MYOCD: variants seen among roughly 807,000 people sequenced by gnomAD.
MYOCD encodes myocardin.
MYOCD carries 32 observed loss-of-function variants against 96.1 expected under a neutral mutation model. The ratio of observed to expected loss-of-function variants is 0.33; its 90% CI spans 0.25 to 0.45. The LOEUF is 0.45. Ranked by LOEUF, MYOCD falls within the 20% of genes least tolerant of loss-of-function variation. MYOCD has a pLI of 1.00. For synonymous variants in MYOCD, 469 were observed against 469.0 expected (o/e 1.00, Z 0.00); for missense variants, 1,133 against 1,200.6 (o/e 0.94, Z 0.83).
At chr17:12,760,169 T>A (rs1383541333) in intron 12 of MYOCD, 2 of 162,586 alleles carry the variant, frequency 1.2e-5, no homozygotes, top group Admixed American at 5.8e-5. Flanking sequence ...ATTCAGTCTT[T>A]AAAAAAAAGA....
intron 3 of MYOCD, among the ~76,000 whole-genome samples, chr17:12,716,082 T>G (rs947249248): frequency 1.3e-5 from 2 of 152,228 alleles, no homozygotes; most frequent in African/African-American, 4.8e-5. Context: ...TGTACCTTCA[T>G]AACAAATCTC....
intron 5 of MYOCD, among the ~76,000 whole-genome samples, chr17:12,732,427 C>T (rs781781866): frequency 6.6e-6 from 1 of 152,172 alleles, no homozygotes; most frequent in Non-Finnish European, 1.5e-5. Flanking sequence ...CCATTCAATC[C>T]CACCTCCTCC....
At chr17:12,731,509 A>AAACAATAGC (rs557481088) in intron 5 of MYOCD, among the ~76,000 whole-genome samples, 1 of 152,172 alleles carries the variant, frequency 6.6e-6, no homozygotes, top group Admixed American at 6.5e-5. Context: ...CTCCTACCAA[A>AAACAATAGC]AACAATAGCA....
At chr17:12,715,450 G>A in intron 2 of MYOCD, 69 bp from the exon 3 acceptor site, 2 of 1,387,432 alleles carry the variant, frequency 1.4e-6, no homozygotes, top group Non-Finnish European at 2.0e-6. Context: ...AAGCACACCA[G>A]CAAACTCTGC....
intron 1 of MYOCD, among the ~76,000 whole-genome samples, chr17:12,692,409 C>T (rs547569227): frequency 2.6e-5 from 4 of 152,210 alleles, no homozygotes; most frequent in Admixed American, 2.6e-4. Context: ...TCATTAATGC[C>T]GTCCCAATAA....
At chr17:12,749,707 G>GTGTATATATATATACACATA (rs147211245) in intron 9 of MYOCD, among the ~76,000 whole-genome samples, 2 of 135,742 alleles carry the variant, frequency 1.5e-5, no homozygotes, top group African/African-American at 5.6e-5. Flanking sequence ...GTATACATAT[G>GTGTATATATATATACACATA]TGTATATATA....
intron 9 of MYOCD, 54 bp from the exon 10 acceptor site, chr17:12,752,360 C>G: frequency 1.4e-6 from 2 of 1,454,730 alleles, no homozygotes; most frequent in Non-Finnish European, 1.9e-6. Flanking sequence ...AATGAATACA[C>G]TTTTAAAAAT....
chr17:12,666,250 C>T lies in MYOCD; in HGVS notation c.55+7C>T, dbSNP rs780710262. The T allele has an allele frequency of 1.2e-5, 20 of 1,603,740 alleles. No homozygotes were observed. In the Admixed American group the frequency reaches 1.8e-4, roughly 15 times the overall value. ...AGGAGCAAGTTCAGATCAGGTAGGG[C>T]TAAGGCATTTAGCATTCCTTCTTAA... On this transcript the variant is annotated splice_region_variant and intron_variant, in intron 1 of 13. Coordinates refer to ENST00000425538, the MANE Select transcript of MYOCD (RefSeq NM_001146312.3).
Position 12,752,388 on chromosome 17 carries a change from C to T in MYOCD, c.1126-26C>T, listed in dbSNP as rs2032874528. The T allele has an allele frequency of 2.5e-6, 4 of 1,569,686 alleles. No individual in the cohort carries two copies. The African/African-American group carries it at 4.1e-5, about 16-fold the overall frequency. On this transcript the variant is annotated intron_variant, in intron 9 of 13. Transcript: ENST00000425538. ...TTAAAAATATTGTCGTTAAACAGCA[C>T]ACTAACCACATTCTGATTTCTTTAG...
intron 1 of MYOCD, among the ~76,000 whole-genome samples, chr17:12,672,482 A>G (rs1004531702): frequency 6.6e-6 from 1 of 152,370 alleles, no homozygotes; most frequent in East Asian, 1.9e-4. Flanking sequence ...GATTTGGATC[A>G]TTATTCTTAG....
At chr17:12,740,469 G>A (rs1428096274) in intron 7 of MYOCD, among the ~76,000 whole-genome samples, 1 of 152,198 alleles carries the variant, frequency 6.6e-6, no homozygotes, top group Non-Finnish European at 1.5e-5. Flanking sequence ...ATGGCCTGCA[G>A]CTCCATCCAA....
At chr17:12,706,238 C>G (rs2031285656) in intron 2 of MYOCD, 1 of 152,152 alleles carries the variant, frequency 6.6e-6, no homozygotes, top group African/African-American at 2.4e-5. Flanking sequence ...TGGGACAACT[C>G]TGTTAGAGGT....
At chr17:12,681,412 A>C (rs1910459325) in intron 1 of MYOCD, among the ~76,000 whole-genome samples, 1 of 152,214 alleles carries the variant, frequency 6.6e-6, no homozygotes, top group Admixed American at 6.5e-5. Context: ...AGTCTTCTTC[A>C]AATGTTTTGA....
chr17:12,689,361 A>G (rs1203393632), intron 1 of MYOCD, among the ~76,000 whole-genome samples: 1 of 152,220 alleles, frequency 6.6e-6, no homozygotes, highest in African/African-American at 2.4e-5. Flanking sequence ...CACACCCTAT[A>G]AAGTATATAT....
At position 12,699,892 on chromosome 17, in the gene MYOCD, C is replaced by CT. The variant is rs36068735; in HGVS notation, c.56-5223dup. On this transcript the variant is annotated intron_variant, in intron 1 of 13. Transcript: ENST00000425538. Reference sequence around the variant, plus strand: ...TCTTGAAAGATAGTAATATATATTTCTTTTTTTTTTTTTACCTTTTTTTTT... The same window carrying CT: ...TCTTGAAAGATAGTAATATATATTTCTTTTTTTTTTTTTTACCTTTTTTTTT... Among the ~76,000 whole-genome samples, 975 of 131,802 alleles carry CT rather than the reference C, an allele frequency of 7.4e-3. 4 individuals are homozygous for CT. Among genetic ancestry groups the CT allele is most frequent in the African/African-American group, 0.015 (522 of 35,624 alleles). 86.5% of individuals were successfully genotyped at this position (131,802 alleles called of 152,430 possible).
chr17:12,698,320 A>T (rs965459432), intron 1 of MYOCD, among the ~76,000 whole-genome samples: 5 of 152,214 alleles, frequency 3.3e-5, no homozygotes, highest in Non-Finnish European at 5.9e-5. Flanking sequence ...GTCATAAGCC[A>T]GTCCATAGAA....
chr17:12,719,143 C>G (rs975584490), intron 4 of MYOCD, among the ~76,000 whole-genome samples: 2 of 135,564 alleles, frequency 1.5e-5, no homozygotes, highest in Non-Finnish European at 3.0e-5. Context: ...CCACCGCACT[C>G]CAGCCGGGGC....
intron 1 of MYOCD, among the ~76,000 whole-genome samples, chr17:12,701,347 G>A (rs1383307109): frequency 6.6e-6 from 1 of 152,166 alleles, no homozygotes; most frequent in Admixed American, 6.5e-5. Flanking sequence ...GGGAGTCGGA[G>A]GTTGCAGTGA....
chr17:12,674,098 C>G (rs2150630127), intron 1 of MYOCD, among the ~76,000 whole-genome samples: 1 of 152,272 alleles, frequency 6.6e-6, no homozygotes, highest in Non-Finnish European at 1.5e-5. Context: ...CTCATTTAAT[C>G]CTTACAAAAA....
Sources: gnomAD v4.1 joint callset for allele counts (sites outside exome capture counted in the v4.1 genomes callset) on GRCh38, gnomAD v4.1.1 for gene constraint, MANE v1.5 for transcripts, NCBI Gene and HGNC (gene_info 2026-07-23, HGNC 2026-07-21) for gene names.